The following ALPK1 variants were observed in gnomAD, a reference collection of about 807,000 sequenced individuals.
ALPK1 encodes the protein alpha-protein kinase 1.
A neutral mutation model predicts 120.6 loss-of-function variants in ALPK1; 110 were observed. The ratio of observed to expected loss-of-function variants is 0.91; its 90% confidence interval spans 0.78 to 1.07. ALPK1 has a LOEUF of 1.07. Among genes scored for constraint, ALPK1 ranks in the 50% least tolerant of loss-of-function variants. The probability of loss-of-function intolerance (pLI) is 0.00; values close to 1 mark genes in which losing one functional copy is unlikely to be tolerated. For synonymous variants in ALPK1, 582 were observed against 560.3 expected, an observed-to-expected ratio of 1.04 and a Z score of -0.55; for missense variants, 1,498 against 1,483.9, an observed-to-expected ratio of 1.01 and a Z score of -0.16.
intron 2 of ALPK1, among the ~76,000 whole-genome samples, chr4:112,369,609 G>A (rs754021167): frequency 6.6e-6 from 1 of 152,160 alleles, no homozygotes; most frequent in Non-Finnish European, 1.5e-5. Context: ...TTGAACCCAG[G>A]AGGCAGAGGG....
chr4:112,406,241 A>C (rs1733166598), intron 4 of ALPK1, among the ~76,000 whole-genome samples: 1 of 152,204 alleles, frequency 6.6e-6, no homozygotes, highest in African/African-American at 2.4e-5. Context: ...TCATTGATGG[A>C]TGGATGAATG....
intron 5 of ALPK1, 49 bp downstream of exon 5, chr4:112,412,074 C>T (rs796377531): frequency 1.2e-6 from 2 of 1,602,078 alleles, no homozygotes; most frequent in Admixed American, 1.7e-5. Flanking sequence ...GTCTTCTGGT[C>T]CCCTTCCCTC....
At chr4:112,344,059 G>C (rs1000877790) in intron 2 of ALPK1, among the ~76,000 whole-genome samples, 1 of 152,190 alleles carries the variant, frequency 6.6e-6, no homozygotes, top group African/African-American at 2.4e-5. Context: ...TTCCGAGAGA[G>C]GCTTTTTGAT....
intron 2 of ALPK1, among the ~76,000 whole-genome samples, chr4:112,367,565 C>T (rs1160041961): frequency 1.3e-5 from 2 of 152,192 alleles, no homozygotes; most frequent in Non-Finnish European, 2.9e-5. Context: ...GCAACTACTA[C>T]ACCATTTTAT....
intron 4 of ALPK1, among the ~76,000 whole-genome samples, chr4:112,401,152 G>A (rs1241424300): frequency 1.3e-5 from 2 of 152,194 alleles, no homozygotes; most frequent in Non-Finnish European, 2.9e-5. Flanking sequence ...TGAGGCCAAG[G>A]TTTTTCTCTA....
intron 4 of ALPK1, among the ~76,000 whole-genome samples, chr4:112,389,113 C>T (rs1031850127): frequency 1.0e-4 from 15 of 149,938 alleles, no homozygotes; most frequent in East Asian, 4.0e-4. Context: ...GGCGTGATCT[C>T]GGCTCACTGC....
At chr4:112,305,024 T>A (rs574689703) in intron 1 of ALPK1, among the ~76,000 whole-genome samples, 3 of 152,156 alleles carry the variant, frequency 2.0e-5, no homozygotes, top group African/African-American at 4.8e-5. Flanking sequence ...CCCCATTTCT[T>A]GTTTTTGTCA....
chr4:112,420,153 C>T (rs1051046922), intron 5 of ALPK1, among the ~76,000 whole-genome samples: 1 of 152,212 alleles, frequency 6.6e-6, no homozygotes, highest in African/African-American at 2.4e-5. Context: ...GCAAAACCTC[C>T]TGCTGTCTCA....
chr4:112,338,062 G>A (rs1729700292), intron 2 of ALPK1, among the ~76,000 whole-genome samples: 1 of 152,142 alleles, frequency 6.6e-6, no homozygotes, highest in South Asian at 2.1e-4. Context: ...TGCCTCCCAT[G>A]TTCGAGCCAT....
intron 2 of ALPK1, among the ~76,000 whole-genome samples, chr4:112,355,965 G>A (rs771164055): frequency 6.6e-6 from 1 of 152,250 alleles, no homozygotes; most frequent in East Asian, 1.9e-4. Context: ...CAAGAGAGGA[G>A]CCTGTGCCAT....
chr4:112,338,262 G>A (rs1007881873), intron 2 of ALPK1, among the ~76,000 whole-genome samples: 9 of 152,130 alleles, frequency 5.9e-5, no homozygotes, highest in Non-Finnish European at 1.2e-4. Context: ...CACCGCGCCC[G>A]GCCGTCATTT....
At chr4:112,305,260 A>G (rs1578445023) in intron 1 of ALPK1, among the ~76,000 whole-genome samples, 1 of 151,990 alleles carries the variant, frequency 6.6e-6, no homozygotes, top group Non-Finnish European at 1.5e-5. Context: ...TATGAACTTT[A>G]AAGTAGTTTT....
intron 5 of ALPK1, among the ~76,000 whole-genome samples, chr4:112,417,536 G>T (rs1733798098): frequency 1.3e-5 from 2 of 152,156 alleles, no homozygotes; most frequent in Admixed American, 1.3e-4. Context: ...ACCCAGGCTA[G>T]AGTACAGTGG....
chr4:112,432,676 A>ATG, intron 11 of ALPK1, 95 bp downstream of exon 11: 1 of 1,203,012 alleles, frequency 8.3e-7, no homozygotes, highest in Non-Finnish European at 1.2e-6. Context: ...AAGCTCATGA[A>ATG]AGGTATAGAA....
chr4:112,398,796 T>C (rs941094506), intron 4 of ALPK1, among the ~76,000 whole-genome samples: 3 of 151,654 alleles, frequency 2.0e-5, no homozygotes, highest in Non-Finnish European at 4.4e-5. Flanking sequence ...CTGGAGGAGA[T>C]GAAAAATGGT....
At chr4:112,380,009 A>G (rs578003930) in intron 3 of ALPK1, among the ~76,000 whole-genome samples, 1 of 152,304 alleles carries the variant, frequency 6.6e-6, no homozygotes, top group Admixed American at 6.5e-5. Flanking sequence ...ATAAAATTCT[A>G]TGAACCCAGA....
chr4:112,347,413 TTATAAAAGTCA>T (rs1277328065), intron 2 of ALPK1, among the ~76,000 whole-genome samples: 1 of 152,226 alleles, frequency 6.6e-6, no homozygotes, highest in Non-Finnish European at 1.5e-5. Context: ...CACTGTAATC[TTATAAAAGTCA>T]TATCATCAAC....
chr4:112,382,916 G>A (rs980178723), intron 4 of ALPK1: 2 of 249,912 alleles, frequency 8.0e-6, no homozygotes, highest in Admixed American at 5.0e-5. Flanking sequence ...GCTTAAAAAA[G>A]TAAATGCACC....
chr4:112,338,763 T>C (rs17044450), intron 2 of ALPK1, among the ~76,000 whole-genome samples: 100,180 of 152,086 alleles, frequency 0.66, 33,704 homozygotes, highest in East Asian at 0.89. Context: ...ATATAGATAT[T>C]GCCAGCATTA....
Sources: gnomAD v4.1 joint callset for allele counts (sites outside exome capture counted in the v4.1 genomes callset) on GRCh38, gnomAD v4.1.1 for gene constraint, MANE v1.5 for transcripts, NCBI Gene and HGNC (gene_info 2026-07-23, HGNC 2026-07-21) for gene names.